CTNND2: variants seen among roughly 807,000 people sequenced by gnomAD.
CTNND2 encodes catenin delta 2.
Under a neutral mutation model 144.4 loss-of-function variants are expected in CTNND2, and 22 were observed. The observed-to-expected ratio is 0.15, with a 90% CI of 0.11 to 0.22. The LOEUF is 0.22. Among genes scored for constraint, CTNND2 ranks in the 10% least tolerant of loss-of-function variants. CTNND2 has a pLI of 1.00. For synonymous variants in CTNND2, 751 were observed against 695.6 expected, an observed-to-expected ratio of 1.08 and a Z score of -1.25; for missense variants, 1,353 against 1,618.8, an observed-to-expected ratio of 0.84 and a Z score of 2.82.
intron 9 of CTNND2, among the ~76,000 whole-genome samples, chr5:11,281,313 A>G (rs1747088619): frequency 6.6e-6 from 1 of 152,178 alleles, no homozygotes; most frequent in African/African-American, 2.4e-5. Context: ...GGAAATGTTC[A>G]CGAACTCCAT....
intron 7 of CTNND2, among the ~76,000 whole-genome samples, chr5:11,379,196 C>A (rs1163699765): frequency 6.6e-6 from 1 of 152,194 alleles, no homozygotes; most frequent in East Asian, 1.9e-4. Context: ...ATCACACATT[C>A]AATAGGATGT....
chr5:11,594,225 T>C (rs923604724), intron 2 of CTNND2, among the ~76,000 whole-genome samples: 1 of 152,178 alleles, frequency 6.6e-6, no homozygotes, highest in Non-Finnish European at 1.5e-5. Flanking sequence ...AAATAAATCA[T>C]GTATAACCAG....
intron 2 of CTNND2, among the ~76,000 whole-genome samples, chr5:11,642,522 G>C (rs1045861309): frequency 1.3e-5 from 2 of 152,128 alleles, no homozygotes; most frequent in African/African-American, 4.8e-5. Flanking sequence ...AAGGGCAAAG[G>C]CCCTGGCAAA....
chr5:11,361,783 T>C (rs1224508584), intron 8 of CTNND2, among the ~76,000 whole-genome samples: 2 of 152,232 alleles, frequency 1.3e-5, no homozygotes, highest in East Asian at 3.9e-4. Flanking sequence ...CACATGCTTG[T>C]TTCAATGACA....
chr5:11,620,586 C>T (rs1164829668), intron 2 of CTNND2, among the ~76,000 whole-genome samples: 5 of 152,194 alleles, frequency 3.3e-5, no homozygotes, highest in African/African-American at 1.2e-4. Context: ...CCTGGAATAT[C>T]ATGGGGTGCC....
At chr5:11,718,621 C>CAA (rs570726578) in intron 2 of CTNND2, among the ~76,000 whole-genome samples, 5 of 140,264 alleles carry the variant, frequency 3.6e-5, no homozygotes, top group African/African-American at 7.8e-5. Flanking sequence ...TCTTTTTTTA[C>CAA]AAAAAAAAAA....
At chr5:11,293,705 A>C (rs1018512819) in intron 9 of CTNND2, among the ~76,000 whole-genome samples, 2 of 150,820 alleles carry the variant, frequency 1.3e-5, no homozygotes, top group Non-Finnish European at 3.0e-5. Flanking sequence ...TATTTCAAAC[A>C]GTGGACTTAT....
intron 10 of CTNND2, among the ~76,000 whole-genome samples, chr5:11,209,478 G>A (rs1300286674): frequency 6.6e-6 from 1 of 152,162 alleles, no homozygotes; most frequent in African/African-American, 2.4e-5. Flanking sequence ...TCTTAGAGAA[G>A]TTGACTATAG....
At chr5:11,774,450 A>C (rs2126832723) in intron 1 of CTNND2, among the ~76,000 whole-genome samples, 1 of 147,892 alleles carries the variant, frequency 6.8e-6, no homozygotes, top group African/African-American at 2.4e-5. Context: ...ACCTAATGCT[A>C]GATGACGAGT....
intron 1 of CTNND2, among the ~76,000 whole-genome samples, chr5:11,858,928 C>CA (rs1795375825): frequency 6.6e-6 from 1 of 151,886 alleles, no homozygotes; most frequent in Non-Finnish European, 1.5e-5. Flanking sequence ...GACTACGTCT[C>CA]AAAAAAAGAG....
intron 10 of CTNND2, among the ~76,000 whole-genome samples, chr5:11,217,473 GC>G (rs1739318241): frequency 6.6e-6 from 1 of 152,158 alleles, no homozygotes; most frequent in Non-Finnish European, 1.5e-5. Flanking sequence ...CATAGGCAGT[GC>G]CTATGATTTC....
At chr5:11,380,220 T>C (rs1561305037) in intron 7 of CTNND2, among the ~76,000 whole-genome samples, 1 of 152,202 alleles carries the variant, frequency 6.6e-6, no homozygotes, top group African/African-American at 2.4e-5. Flanking sequence ...CCAGGGGTTA[T>C]GCCTCATTCA....
At chr5:11,893,509 T>C (rs1395611570) in intron 1 of CTNND2, among the ~76,000 whole-genome samples, 1 of 152,226 alleles carries the variant, frequency 6.6e-6, no homozygotes, top group Non-Finnish European at 1.5e-5. Flanking sequence ...ATAATAGTTC[T>C]GTTTCTAAAA....
At chr5:10,992,767 CATA>C (rs1738843158) in intron 18 of CTNND2, 90 bp from the exon 19 acceptor site, 3 of 1,510,180 alleles carry the variant, frequency 2.0e-6, no homozygotes, top group East Asian at 2.3e-5. Context: ...TCTGGATTTG[CATA>C]ATATTTCTAT....
intron 16 of CTNND2, among the ~76,000 whole-genome samples, chr5:11,056,909 GC>G (rs1746403729): frequency 6.6e-6 from 1 of 152,216 alleles, no homozygotes; most frequent in Non-Finnish European, 1.5e-5. Flanking sequence ...AGATTCAGGA[GC>G]CTTCAGGTCT....
chr5:11,822,484 G>A (rs1225372243), intron 1 of CTNND2, among the ~76,000 whole-genome samples: 1 of 152,022 alleles, frequency 6.6e-6, no homozygotes, highest in African/African-American at 2.4e-5. Flanking sequence ...ATTGTGGTAG[G>A]CAGTCTCAAA....
At chr5:11,010,317 A>C (rs531878831) in intron 18 of CTNND2, among the ~76,000 whole-genome samples, 2 of 152,358 alleles carry the variant, frequency 1.3e-5, no homozygotes, top group East Asian at 3.9e-4. Flanking sequence ...AGAATCTATT[A>C]ATTCTCAAAA....
At chr5:11,164,689 C>CT (rs1326279035) in intron 11 of CTNND2, among the ~76,000 whole-genome samples, 1 of 152,162 alleles carries the variant, frequency 6.6e-6, no homozygotes, top group East Asian at 1.9e-4. Flanking sequence ...TTTCCTAGAT[C>CT]TTTTCATGGC....
chr5:11,658,150 A>G (rs182763289), intron 2 of CTNND2, among the ~76,000 whole-genome samples: 1 of 152,206 alleles, frequency 6.6e-6, no homozygotes, highest in East Asian at 1.9e-4. Flanking sequence ...CTTCCTCTTC[A>G]AGTTTTATGA....
Sources: allele counts gnomAD v4.1 joint callset (sites outside exome capture counted in the v4.1 genomes callset), GRCh38; gene constraint gnomAD v4.1.1; transcripts MANE v1.5; gene names NCBI Gene and HGNC (gene_info 2026-07-23, HGNC 2026-07-21).